The following IGLL5 variants were observed in gnomAD, a reference collection of about 807,000 sequenced individuals.
IGLL5 encodes immunoglobulin lambda-like polypeptide 5.
A neutral mutation model predicts 20.9 loss-of-function variants in IGLL5; 30 were observed. That is an observed-to-expected ratio of 1.44 (90% CI 1.07 to 1.95). The LOEUF (loss-of-function observed/expected upper bound fraction) is 1.95, where lower values mean the gene tolerates loss of function less well. Among genes scored for constraint, IGLL5 ranks in the 30% most tolerant of loss-of-function variants. The pLI is 0.00. For synonymous variants in IGLL5, 203 were observed against 117.3 expected (o/e 1.73, Z -4.72); for missense variants, 475 against 270.7 (o/e 1.75, Z -5.30).
At chr22:22,891,218 A>AT (rs1283196768) in intron 1 of IGLL5, among the ~76,000 whole-genome samples, 10 of 150,434 alleles carry the variant, frequency 6.6e-5, no homozygotes, top group African/African-American at 2.2e-4. Context: ...CTTTTGGTGT[A>AT]TTGGTGTTTT....
intron 1 of IGLL5, among the ~76,000 whole-genome samples, chr22:22,891,178 A>C: frequency 6.6e-6 from 1 of 150,984 alleles, no homozygotes; most frequent in Non-Finnish European, 1.5e-5. Context: ...TTTCAATATT[A>C]TAAACTCATT....
chr22:22,890,601 A>T (rs866189887), intron 1 of IGLL5, among the ~76,000 whole-genome samples: 1 of 98,792 alleles, frequency 1.0e-5, no homozygotes, highest in African/African-American at 4.1e-5. Context: ...GTGTGTGTGT[A>T]TGTGTACAAA....
intron 1 of IGLL5, among the ~76,000 whole-genome samples, chr22:22,889,114 A>T (rs1163894850): frequency 6.6e-6 from 1 of 151,002 alleles, no homozygotes; most frequent in African/African-American, 2.4e-5. Context: ...TTTTTGGAAA[A>T]ATCAGCACCG....
intron 1 of IGLL5, among the ~76,000 whole-genome samples, chr22:22,889,494 T>A (rs2067725714): frequency 6.6e-6 from 1 of 151,086 alleles, no homozygotes; most frequent in Admixed American, 6.6e-5. Flanking sequence ...ATAACAAGGG[T>A]GGTTAGCTCA....
At chr22:22,894,247 G>T (rs1601624959) in intron 2 of IGLL5, among the ~76,000 whole-genome samples, 3 of 150,022 alleles carry the variant, frequency 2.0e-5, no homozygotes, top group Middle Eastern at 4.0e-3. Flanking sequence ...ACAGCTGAGG[G>T]TCTAGGCTGA....
Position 22,893,789 on chromosome 22 carries a change from T to G in IGLL5, c.296T>G (p.Phe99Cys), listed in dbSNP as rs773486212. 1 of 1,612,338 alleles carries G rather than the reference T, an allele frequency of 6.2e-7. No homozygotes were observed. Among genetic ancestry groups the G allele is most frequent in the Non-Finnish European group, 8.5e-7 (1 of 1,179,194 alleles). Reference protein sequence around the residue: ...WSEPQSLCYVFGTGTKVTVLG... With the variant: ...WSEPQSLCYVCGTGTKVTVLG... ...GAGCCTCAGTCACTGTGTTATGTCTTCGGAACTGGGACCAAGGTCACCGTC... is the reference window on the plus strand; with the variant it reads ...GAGCCTCAGTCACTGTGTTATGTCTGCGGAACTGGGACCAAGGTCACCGTC... Residue 99 changes from phenylalanine to cysteine, a missense_variant, in exon 2 of 3, where the codon TTC (phenylalanine) becomes TGC (cysteine). Phe to Cys is a radical substitution (Grantham distance 205). Coordinates refer to ENST00000526893, the MANE Select transcript of IGLL5 (RefSeq NM_001178126.2).
chr22:22,895,057 T>C (rs2066719347), intron 2 of IGLL5, among the ~76,000 whole-genome samples: 1 of 151,228 alleles, frequency 6.6e-6, no homozygotes, highest in Non-Finnish European at 1.5e-5. Context: ...CAAGGCCAGA[T>C]TCTAAACTCA....
intron 2 of IGLL5, among the ~76,000 whole-genome samples, chr22:22,894,276 G>A (rs1601625247): frequency 2.0e-5 from 3 of 151,162 alleles, no homozygotes; most frequent in Middle Eastern, 3.8e-3. Flanking sequence ...TGCCAATCCA[G>A]CCTGGGAGGG....
chr22:22,888,518 T>C (rs184845616), intron 1 of IGLL5, among the ~76,000 whole-genome samples: 6 of 151,362 alleles, frequency 4.0e-5, no homozygotes, highest in South Asian at 2.1e-4. Flanking sequence ...CCAGGGTCAG[T>C]GCCTCAATCA....
intron 2 of IGLL5, 114 bp from the exon 3 acceptor site, chr22:22,895,261 G>C: frequency 1.1e-6 from 1 of 939,988 alleles, no homozygotes; most frequent in East Asian, 2.6e-5. Context: ...AGAACCCCGG[G>C]TGGACCGGAT....
chr22:22,889,575 T>C (rs9623964), intron 1 of IGLL5, among the ~76,000 whole-genome samples: 40,931 of 150,652 alleles, frequency 0.27, 6,486 homozygotes, highest in East Asian at 0.79. Flanking sequence ...AAAAACACAA[T>C]TGTATTTGGG....
At chr22:22,888,585 G>A (rs554827164) in intron 1 of IGLL5, among the ~76,000 whole-genome samples, 5 of 150,280 alleles carry the variant, frequency 3.3e-5, no homozygotes, top group South Asian at 2.3e-4. Context: ...GACATCCACA[G>A]GGGGTGGTGG....
chr22:22,895,601 C>A lies in IGLL5; in HGVS notation c.552C>A (p.Pro184=). Residue 184 remains proline, a synonymous_variant, in exon 3 of 3, where the codon CCC becomes CCA. Coordinates refer to ENST00000526893, the MANE Select transcript of IGLL5 (RefSeq NM_001178126.2). The part of the protein sequence containing the change: ...YAASSYLSLT[P]EQWKSHRSYS... Reference sequence around the variant, plus strand: ...CCAGCAGCTACCTGAGCCTGACGCCCGAGCAGTGGAAGTCCCACAGAAGCT... The same window carrying A: ...CCAGCAGCTACCTGAGCCTGACGCCAGAGCAGTGGAAGTCCCACAGAAGCT... The A allele has an allele frequency of 6.2e-7, 1 of 1,613,260 alleles. No individual in the cohort carries two copies. The highest frequency in any genetic ancestry group is 8.5e-7 in the Non-Finnish European group (1 of 1,179,766).
rs548441456 is a variant in IGLL5, at chr22:22,888,279, A to C, written c.206+20A>C. On this transcript the variant is annotated intron_variant, in intron 1 of 2. Transcript: ENST00000526893. ...GGGCAGGTAAGGGGCAAGAGATTCC[A>C]GGGGATGTGGGGGTCCTGCAGCAGA... The C allele has an allele frequency of 1.3e-6, 2 of 1,545,082 alleles. No homozygotes were observed. Among genetic ancestry groups the C allele is most frequent in the East Asian group, 2.5e-5 (1 of 40,620 alleles).
chr22:22,895,461 A>C lies in IGLL5; in HGVS notation c.412A>C (p.Ile138Leu). The change falls in exon 3 of 3, where the codon ATC (isoleucine) becomes CTC (leucine). Residue 138 changes from isoleucine (I) to leucine (L), a missense_variant. Coordinates refer to ENST00000526893, the MANE Select transcript of IGLL5 (RefSeq NM_001178126.2). ...QANKATLVCLISDFYPGAVTV... is the reference protein window; with the variant it reads ...QANKATLVCLLSDFYPGAVTV... ...CAACAAGGCCACACTAGTGTGTCTG[A>C]TCAGTGACTTCTACCCGGGAGCTGT... 2.5e-6 allele frequency: 4 copies of C among 1,612,828 alleles called. No individual in the cohort carries two copies. Among genetic ancestry groups the C allele is most frequent in the Non-Finnish European group, 3.4e-6 (4 of 1,179,564 alleles).
intron 2 of IGLL5, among the ~76,000 whole-genome samples, chr22:22,894,380 T>G (rs974583988): frequency 6.6e-6 from 1 of 151,382 alleles, no homozygotes; most frequent in South Asian, 2.1e-4. Flanking sequence ...CTGTGGCCTG[T>G]GCTGGGTCAT....
Sources: gnomAD v4.1 joint callset for allele counts (sites outside exome capture counted in the v4.1 genomes callset) on GRCh38, gnomAD v4.1.1 for gene constraint, MANE v1.5 for transcripts, NCBI Gene and HGNC (gene_info 2026-07-23, HGNC 2026-07-21) for gene names.